CCDC3: variants seen among roughly 807,000 people sequenced by gnomAD.
The protein encoded by CCDC3 is coiled-coil domain-containing protein 3.
In CCDC3, 24 loss-of-function variants were observed where a neutral mutation model predicts 21.4. The ratio of observed to expected loss-of-function variants is 1.12; its 90% CI spans 0.81 to 1.58. The LOEUF (loss-of-function observed/expected upper bound fraction) is 1.58, where lower values mean the gene tolerates loss of function less well. CCDC3 is among the 40% of genes most tolerant of loss of function. The pLI, the probability that CCDC3 is intolerant of heterozygous loss-of-function variation, is 0.00. For synonymous variants in CCDC3, 186 were observed against 166.0 expected, an observed-to-expected ratio of 1.12 and a Z score of -0.93; for missense variants, 425 against 360.9, an observed-to-expected ratio of 1.18 and a Z score of -1.44.
chr10:13,033,912 A>G (rs1045812994), intron 5 of CCDC3, among the ~76,000 whole-genome samples: 3 of 152,252 alleles, frequency 2.0e-5, no homozygotes, highest in African/African-American at 4.8e-5. Context: ...AACTAGTTCA[A>G]CCACTGTGGA....
At chr10:13,097,180 C>T (rs1832637432) in intron 3 of CCDC3, among the ~76,000 whole-genome samples, 1 of 152,148 alleles carries the variant, frequency 6.6e-6, no homozygotes, top group South Asian at 2.1e-4. Context: ...ACCACATCAA[C>T]AAATCAGCTA....
intron 5 of CCDC3, among the ~76,000 whole-genome samples, chr10:13,038,409 G>C (rs543995106): frequency 5.3e-4 from 80 of 150,032 alleles, no homozygotes; most frequent in African/African-American, 1.9e-3. Context: ...TGGAAGACCT[G>C]AGTTCTGCTC....
chr10:12,909,470 C>T lies in CCDC3; in HGVS notation c.550-10791G>A, dbSNP rs537884885. Among the ~76,000 whole-genome samples, 176 of 152,292 alleles carry T rather than the reference C, an allele frequency of 1.2e-3. 1 individual carries two copies. The highest frequency in any genetic ancestry group is 2.1e-3 in the Non-Finnish European group (142 of 68,022). On this transcript the variant is annotated intron_variant, in intron 2 of 2. Coordinates refer to ENST00000378825, the MANE Select transcript of CCDC3 (RefSeq NM_031455.4). Reference sequence around the variant, plus strand: ...CCCATGGAGTGTGGGTGTGCCAACCCGGGCTGAGTGAGGTGCACTGTGTCC... The same window carrying T: ...CCCATGGAGTGTGGGTGTGCCAACCTGGGCTGAGTGAGGTGCACTGTGTCC...
chr10:13,079,063 T>C (rs898710238), intron 3 of CCDC3, among the ~76,000 whole-genome samples: 1 of 152,226 alleles, frequency 6.6e-6, no homozygotes, highest in Non-Finnish European at 1.5e-5. Flanking sequence ...TTGTCACCAT[T>C]ATTCCATCTG....
intron 2 of CCDC3, among the ~76,000 whole-genome samples, chr10:12,990,618 G>C (rs1474462847): frequency 6.6e-6 from 1 of 152,188 alleles, no homozygotes; most frequent in Non-Finnish European, 1.5e-5. Flanking sequence ...GCAAAAATTA[G>C]AATTTTAAGA....
At chr10:13,083,570 T>C (rs1837068287) in intron 3 of CCDC3, among the ~76,000 whole-genome samples, 3 of 152,218 alleles carry the variant, frequency 2.0e-5, no homozygotes, top group South Asian at 4.1e-4. Context: ...GTACATTCTA[T>C]GTCCTTGTAC....
intron 2 of CCDC3, among the ~76,000 whole-genome samples, chr10:12,922,421 G>C (rs774700550): frequency 7.9e-5 from 12 of 152,040 alleles, no homozygotes; most frequent in Non-Finnish European, 1.3e-4. Context: ...AGTTAGAATT[G>C]GCCCAGCACC....
At chr10:12,987,927 A>AC (rs1341865472) in intron 2 of CCDC3, among the ~76,000 whole-genome samples, 6 of 152,186 alleles carry the variant, frequency 3.9e-5, no homozygotes, top group Non-Finnish European at 4.4e-5. Context: ...TTGCCTAGAC[A>AC]GTTCCAGTGG....
chr10:12,922,691 G>A (rs1253380700), intron 2 of CCDC3, among the ~76,000 whole-genome samples: 1 of 151,972 alleles, frequency 6.6e-6, no homozygotes, highest in Non-Finnish European at 1.5e-5. Flanking sequence ...AGGAACCCAG[G>A]ATGTTTATGT....
chr10:13,061,277 T>G (rs1836753911), intron 4 of CCDC3, among the ~76,000 whole-genome samples: 1 of 152,184 alleles, frequency 6.6e-6, no homozygotes, highest in Non-Finnish European at 1.5e-5. Flanking sequence ...AGAACTGCTG[T>G]TACTGCAGTG....
At chr10:13,091,139 T>A (rs898848411) in intron 3 of CCDC3, among the ~76,000 whole-genome samples, 2 of 152,152 alleles carry the variant, frequency 1.3e-5, no homozygotes, top group Non-Finnish European at 2.9e-5. Context: ...GGCAACCAAC[T>A]GGATGGTGCC....
At chr10:12,995,653 A>G (rs1262189016) in intron 2 of CCDC3, among the ~76,000 whole-genome samples, 1 of 152,180 alleles carries the variant, frequency 6.6e-6, no homozygotes, top group East Asian at 1.9e-4. Flanking sequence ...AGATTGAACT[A>G]AATTCTGCTC....
chr10:13,056,864 T>C (rs554089678), intron 4 of CCDC3, among the ~76,000 whole-genome samples: 4 of 152,266 alleles, frequency 2.6e-5, no homozygotes, highest in South Asian at 2.1e-4. Context: ...AGGAGTTGTA[T>C]GGTTGGTTTT....
At chr10:13,068,004 C>A (rs1456216825) in intron 4 of CCDC3, among the ~76,000 whole-genome samples, 1 of 152,044 alleles carries the variant, frequency 6.6e-6, no homozygotes, top group Non-Finnish European at 1.5e-5. Context: ...CTCCATTTTG[C>A]CTTGTCACTC....
At position 12,898,553 on chromosome 10, in the gene CCDC3, T is replaced by C; in HGVS notation, c.676A>G (p.Arg226Gly). 6.2e-7 allele frequency: 1 copy of C among 1,614,220 alleles called. No individual in the cohort carries two copies. Among genetic ancestry groups the C allele is most frequent in the Non-Finnish European group, 8.5e-7 (1 of 1,180,040 alleles). ...TTCTTACGCGCCTGCCGCAAGGACC[T>C]CTTGACCTTCTTCACTCGCTCCCGG... ...QLRERVKKVK[R>G]SLRQARKKGR... The change falls in exon 3 of 3, where the codon AGG becomes GGG. Residue 226 changes from arginine (R) to glycine (G), a missense_variant. Transcript: ENST00000378825.
intron 2 of CCDC3, among the ~76,000 whole-genome samples, chr10:12,901,363 G>A (rs1388944257): frequency 1.3e-5 from 2 of 152,116 alleles, no homozygotes; most frequent in African/African-American, 2.4e-5. Context: ...TCCACCTCAC[G>A]GGTTCAAGCG....
intron 5 of CCDC3, among the ~76,000 whole-genome samples, chr10:13,022,249 CTCTT>C (rs1481716706): frequency 6.6e-6 from 1 of 152,178 alleles, no homozygotes; most frequent in East Asian, 1.9e-4. Flanking sequence ...AATCCTCTCT[CTCTT>C]TTTTTCACCC....
At chr10:12,978,001 A>G (rs1408732885) in intron 2 of CCDC3, among the ~76,000 whole-genome samples, 1 of 151,918 alleles carries the variant, frequency 6.6e-6, no homozygotes, top group East Asian at 1.9e-4. Context: ...TTGGGAAAGA[A>G]AAGCCATTTT....
At chr10:13,010,984 A>G (rs895025563) in intron 5 of CCDC3, among the ~76,000 whole-genome samples, 6 of 152,302 alleles carry the variant, frequency 3.9e-5, no homozygotes, top group African/African-American at 1.4e-4. Flanking sequence ...GCTCGAGATC[A>G]GCCTGGCCAA....
Sources: gnomAD v4.1 joint callset for allele counts (sites outside exome capture counted in the v4.1 genomes callset) on GRCh38, gnomAD v4.1.1 for gene constraint, MANE v1.5 for transcripts, NCBI Gene and HGNC (gene_info 2026-07-23, HGNC 2026-07-21) for gene names.